Variants in NFIB observed in about 807,000 individuals in gnomAD.
The protein encoded by NFIB is nuclear factor I B, also known as nuclear factor 1 B-type.
In NFIB, 11 loss-of-function variants were observed where a neutral mutation model predicts 61.5. The observed-to-expected ratio is 0.18, with a 90% CI of 0.11 to 0.30. NFIB has a LOEUF of 0.30. Among genes scored for constraint, NFIB ranks in the 10% least tolerant of loss-of-function variants. NFIB has a pLI of 1.00. For missense variants in NFIB, 471 were observed against 608.9 expected, an observed-to-expected ratio of 0.77 and a Z score of 2.38; for synonymous variants, 260 against 216.5, an observed-to-expected ratio of 1.20 and a Z score of -1.76.
At chr9:14,370,808 G>A (rs142163307) in intron 1 of NFIB, among the ~76,000 whole-genome samples, 1 of 152,176 alleles carries the variant, frequency 6.6e-6, no homozygotes, top group African/African-American at 2.4e-5. Context: ...AAATGCTAAT[G>A]TCCAGGCTGG....
chr9:14,141,090 A>G (rs1276739650), intron 6 of NFIB, among the ~76,000 whole-genome samples: 1 of 152,198 alleles, frequency 6.6e-6, no homozygotes, highest in Non-Finnish European at 1.5e-5. Context: ...TTTGACATTT[A>G]ATACTATATC....
At chr9:14,276,983 ACG>A (rs2058046053) in intron 2 of NFIB, among the ~76,000 whole-genome samples, 2 of 152,136 alleles carry the variant, frequency 1.3e-5, no homozygotes, top group African/African-American at 2.4e-5. Context: ...TCATGGTGCT[ACG>A]AAGAACTTTT....
intron 1 of NFIB, among the ~76,000 whole-genome samples, chr9:14,352,831 C>A (rs1012847795): frequency 2.0e-5 from 3 of 152,188 alleles, no homozygotes; most frequent in African/African-American, 7.2e-5. Flanking sequence ...GTAGCCTTTC[C>A]CTCTGGAACA....
At chr9:14,414,309 C>T in the NFIB span, among the ~76,000 whole-genome samples, 1 of 151,726 alleles carries the variant, frequency 6.6e-6, no homozygotes, top group Non-Finnish European at 1.5e-5. Context: ...GTGGCATGTG[C>T]CTGTAGTCCT....
chr9:14,387,105 T>C (rs1039574492), intron 1 of NFIB, among the ~76,000 whole-genome samples: 1 of 152,232 alleles, frequency 6.6e-6, no homozygotes, highest in Non-Finnish European at 1.5e-5. Flanking sequence ...AAAAGGTGTA[T>C]GACTTGGGGT....
chr9:14,227,054 T>C (rs547689154), intron 2 of NFIB, among the ~76,000 whole-genome samples: 1 of 151,334 alleles, frequency 6.6e-6, no homozygotes, highest in African/African-American at 2.4e-5. Flanking sequence ...AACAGGAGAA[T>C]TGCTTGTACC....
At position 14,093,214 on chromosome 9, in the gene NFIB, T is replaced by C. The variant is rs570487613; in HGVS notation, c.1468-4888A>G. 2.6e-5 allele frequency among the ~76,000 whole-genome samples: 4 copies of C among 152,218 alleles called. No individual in the cohort carries two copies. In the South Asian group the frequency reaches 8.3e-4, roughly 32 times the overall value. On this transcript the variant is annotated intron_variant, in intron 10 of 10. Transcript: ENST00000380953. ...TTTTAAGAATGGCAAAAATCATTTA[T>C]TACTAGCCTGTGTGTATTTGATAAT...
At chr9:14,479,434 C>A in the NFIB span, among the ~76,000 whole-genome samples, 1 of 152,310 alleles carries the variant, frequency 6.6e-6, no homozygotes, top group African/African-American at 2.4e-5. Context: ...TATGGTGGAG[C>A]TTTTGGCCAC....
At chr9:14,276,632 T>G (rs980887842) in intron 2 of NFIB, among the ~76,000 whole-genome samples, 11 of 152,136 alleles carry the variant, frequency 7.2e-5, no homozygotes, top group Non-Finnish European at 1.2e-4. Flanking sequence ...GCTCTAATTT[T>G]CTCATCTTTA....
At chr9:14,395,241 G>A (rs2061670345) in intron 1 of NFIB, among the ~76,000 whole-genome samples, 1 of 150,146 alleles carries the variant, frequency 6.7e-6, no homozygotes, top group Non-Finnish European at 1.5e-5. Context: ...AGCAGTTTTG[G>A]ATGCTGTGAT....
At chr9:14,517,807 C>T in the NFIB span, among the ~76,000 whole-genome samples, 3 of 152,094 alleles carry the variant, frequency 2.0e-5, no homozygotes, top group Admixed American at 2.0e-4. Context: ...TTTCCCAGTT[C>T]AGAGTCATGC....
At chr9:14,110,429 CCT>C (rs2037192595) in intron 10 of NFIB, among the ~76,000 whole-genome samples, 1 of 151,918 alleles carries the variant, frequency 6.6e-6, no homozygotes, top group African/African-American at 2.4e-5. Context: ...TTAAAAGAAC[CCT>C]CTCAGACTAA....
intron 5 of NFIB, 148 bp from the exon 6 acceptor site, chr9:14,146,955 CAATAGT>C: frequency 4.8e-6 from 5 of 1,049,806 alleles, no homozygotes; most frequent in Non-Finnish European, 6.8e-6. Context: ...TTGAAGATAT[CAATAGT>C]AATAGCAAAT....
chr9:14,530,726 C>T, the NFIB span, among the ~76,000 whole-genome samples: 13 of 152,040 alleles, frequency 8.6e-5, no homozygotes, highest in East Asian at 1.9e-4. Flanking sequence ...TCCTTCTGTC[C>T]GGGCACAGTG....
At chr9:14,515,708 G>A in the NFIB span, among the ~76,000 whole-genome samples, 11 of 152,308 alleles carry the variant, frequency 7.2e-5, 1 homozygote, top group Admixed American at 7.2e-4. Context: ...ATGAGCCTAT[G>A]CATATCCTCG....
chr9:14,315,861 T>A (rs529612327), upstream of NFIB, among the ~76,000 whole-genome samples: 218 of 151,520 alleles, frequency 1.4e-3, no homozygotes, highest in African/African-American at 5.1e-3. Context: ...GGGCTCCGAG[T>A]CTACCTAGCT....
At chr9:14,132,910 T>TG (rs2040568151) in intron 6 of NFIB, among the ~76,000 whole-genome samples, 1 of 152,122 alleles carries the variant, frequency 6.6e-6, no homozygotes, top group Non-Finnish European at 1.5e-5. Context: ...CTTTTTTTGT[T>TG]ATTTTTTGGC....
chr9:14,507,218 T>A, the NFIB span, among the ~76,000 whole-genome samples: 1 of 152,240 alleles, frequency 6.6e-6, no homozygotes, highest in Non-Finnish European at 1.5e-5. Context: ...CATCCAAAGT[T>A]CTGAATTCTG....
At chr9:14,516,131 G>A in the NFIB span, among the ~76,000 whole-genome samples, 125 of 152,298 alleles carry the variant, frequency 8.2e-4, 2 homozygotes, top group South Asian at 0.015. Context: ...CAATTGCCTC[G>A]AACCACAGTC....
Sources: allele counts gnomAD v4.1 joint callset (sites outside exome capture counted in the v4.1 genomes callset), GRCh38; gene constraint gnomAD v4.1.1; transcripts MANE v1.5; gene names NCBI Gene and HGNC (gene_info 2026-07-23, HGNC 2026-07-21).